Variants in MEGF8 observed in about 807,000 individuals in gnomAD.
The protein encoded by MEGF8 is multiple epidermal growth factor-like domains protein 8.
Under a neutral mutation model 302.9 loss-of-function variants are expected in MEGF8, and 156 were observed. The observed-to-expected ratio is 0.52, with a 90% CI of 0.45 to 0.59. The LOEUF is 0.59. Ranked by LOEUF, MEGF8 falls within the 20% of genes least tolerant of loss-of-function variation. The pLI, the probability that MEGF8 is intolerant of heterozygous loss-of-function variation, is 0.00. For synonymous variants in MEGF8, 1,621 were observed against 1,660.5 expected, an observed-to-expected ratio of 0.98 and a Z score of 0.58; for missense variants, 3,345 against 3,964.5, an observed-to-expected ratio of 0.84 and a Z score of 4.20.
At position 42,356,764 on chromosome 19, in the gene MEGF8, C is replaced by G; in HGVS notation, c.4623-10C>G. The G allele has an allele frequency of 6.5e-7, 1 of 1,539,152 alleles. No individual in the cohort carries two copies. Among genetic ancestry groups the G allele is most frequent in the Non-Finnish European group, 8.8e-7 (1 of 1,140,198 alleles). ...TGTAATGAGGCTGCTTTTTTGCACC[C>G]TGGCCCCAGGTACTCAGTGAGTGAG... On this transcript the variant is annotated splice_polypyrimidine_tract_variant and intron_variant, in intron 26 of 41. Coordinates refer to ENST00000251268, the MANE Select transcript of MEGF8 (RefSeq NM_001271938.2). This position sits in a 1 kb window ranked among gnomAD's most constrained non-coding sequence, Gnocchi z 5.2.
chr19:42,335,579 G>A (rs968269715), intron 5 of MEGF8, among the ~76,000 whole-genome samples, 194 bp downstream of exon 5: 3 of 151,898 alleles, frequency 2.0e-5, no homozygotes, highest in African/African-American at 7.3e-5. Flanking sequence ...CTGCCTTTGT[G>A]CATCTTATTT....
chr19:42,349,472 C>G, intron 13 of MEGF8, 27 bp from the exon 14 acceptor site: 1 of 1,599,026 alleles, frequency 6.3e-7, no homozygotes, highest in Middle Eastern at 2.2e-4. Context: ...TTCTGAGGCC[C>G]CTGCCTATCA....
chr19:42,338,686 G>A (rs980934295), intron 8 of MEGF8, among the ~76,000 whole-genome samples: 39 of 152,008 alleles, frequency 2.6e-4, no homozygotes, highest in African/African-American at 7.0e-4. Flanking sequence ...TTCTGTTCCT[G>A]TATTAGTCTG....
chr19:42,333,306 C>A (rs2039078900), intron 1 of MEGF8, among the ~76,000 whole-genome samples: 1 of 152,228 alleles, frequency 6.6e-6, no homozygotes, highest in South Asian at 2.1e-4. Context: ...GGGGTTTTCT[C>A]TGTACTTAAT....
intron 8 of MEGF8, among the ~76,000 whole-genome samples, chr19:42,338,823 G>GTT (rs1568558802): frequency 1.1e-4 from 9 of 79,634 alleles, no homozygotes; most frequent in African/African-American, 1.9e-4. Flanking sequence ...TTCTTTCTAT[G>GTT]TATTTTTTTT....
At position 42,326,375 on chromosome 19, in the gene MEGF8, G is replaced by T; in HGVS notation, c.132G>T (p.Val44=). The T allele has an allele frequency of 2.5e-6, 4 of 1,585,248 alleles. No individual in the cohort carries two copies. The change falls in exon 1 of 42, where the codon GTG becomes GTT. Residue 44 remains valine (V), a synonymous_variant. Coordinates refer to ENST00000251268, the MANE Select transcript of MEGF8 (RefSeq NM_001271938.2). ...TGCTGCGGGAGGCGCCAGGCTTCGT[G>T]ACGGATGGTGCGGGCAACTACAGCG... ...RQVLREAPGF[V]TDGAGNYSVN...
intron 40 of MEGF8, 84 bp downstream of exon 40, chr19:42,370,915 C>A: frequency 1.7e-6 from 1 of 580,104 alleles, no homozygotes; most frequent in Non-Finnish European, 3.1e-6. Flanking sequence ...AGCTCTGGAG[C>A]CAGGCCCCCT....
intron 34 of MEGF8, among the ~76,000 whole-genome samples, 161 bp from the exon 35 acceptor site, chr19:42,362,887 G>T (rs1279945403): frequency 6.7e-6 from 1 of 149,214 alleles, no homozygotes; most frequent in African/African-American, 2.5e-5. Flanking sequence ...GGGAGGAGGG[G>T]CTGGGCACCT....
rs372318004 is a variant in MEGF8, at chr19:42,338,256, T to G, written c.1513+1050T>G. ...GTAGGTTTTTTTTTTGTTTTTTTTTTGGGGATGGAGTCTTACTGTGTTGCC... is the reference window on the plus strand; with the variant it reads ...GTAGGTTTTTTTTTTGTTTTTTTTTGGGGGATGGAGTCTTACTGTGTTGCC... On this transcript the variant is annotated intron_variant, in intron 8 of 41. Transcript: ENST00000251268. Among the ~76,000 whole-genome samples the G allele has an allele frequency of 4.0e-3, 614 of 152,166 alleles. 5 individuals carry two copies. The highest frequency in any genetic ancestry group is 0.014 in the South Asian group (67 of 4,812).
Position 42,354,638 on chromosome 19 carries a change from T to A in MEGF8, c.4062T>A (p.Gly1354=), listed in dbSNP as rs778957010. The A allele has an allele frequency of 3.1e-6, 5 of 1,612,776 alleles. No individual in the cohort carries two copies. In the South Asian group the frequency reaches 5.5e-5, roughly 18 times the overall value. The part of the protein sequence containing the change: ...FDGFPRFLDT[G]VVQSDRSLIA... ...GATTCCCACGCTTCCTGGACACTGG[T>A]GTTGTCCAGTCGGACCGCAGCCTCA... Residue 1354 remains glycine (G), a synonymous_variant, in exon 23 of 42, where the codon GGT becomes GGA. Coordinates refer to ENST00000251268, the MANE Select transcript of MEGF8 (RefSeq NM_001271938.2). The surrounding 1 kb of genome is among the most constrained non-coding windows in gnomAD (Gnocchi z 4.3).
rs868518281 is a variant in MEGF8, at chr19:42,358,560, T to G, written c.5176-227T>G. ...CTTGGTGCGGCCCTGGCAGGCCCCT[T>G]CCCCGTCCTGGGTTTTTCCACTCGT... On this transcript the variant is annotated intron_variant, in intron 29 of 41. Coordinates refer to ENST00000251268, the MANE Select transcript of MEGF8 (RefSeq NM_001271938.2). This position sits in a 1 kb window ranked among gnomAD's most constrained non-coding sequence, Gnocchi z 4.4. Among the ~76,000 whole-genome samples, 31 of 152,140 alleles carry G rather than the reference T, an allele frequency of 2.0e-4. No homozygotes were observed. Among genetic ancestry groups the G allele is most frequent in the Admixed American group, 1.6e-3 (25 of 15,278 alleles).
chr19:42,336,401 A>G lies in MEGF8; in HGVS notation c.1244+55A>G, dbSNP rs942807340. ...CACAGGCCAGGCCCAGCTCAACACC[A>G]TAGGCCTTTAGTCTTTAGAGGTCTT... is the stretch of plus-strand genomic sequence containing the variant. On this transcript the variant is annotated intron_variant, in intron 6 of 41. Transcript: ENST00000251268. This position sits in a 1 kb window ranked among gnomAD's most constrained non-coding sequence, Gnocchi z 4.8. 1.3e-6 allele frequency: 2 copies of G among 1,496,676 alleles called. No individual in the cohort carries two copies. The highest frequency in any genetic ancestry group is 1.8e-6 in the Non-Finnish European group (2 of 1,122,066). The allele number at this position is 1,496,676 out of a possible 1,614,324, so 92.7% of individuals were successfully genotyped here.
chr19:42,365,169 A>G (rs2039586309), intron 35 of MEGF8, among the ~76,000 whole-genome samples: 1 of 152,212 alleles, frequency 6.6e-6, no homozygotes, highest in South Asian at 2.1e-4. Flanking sequence ...TTCTCCCCAG[A>G]TATTATTGAA....
chr19:42,352,724 G>T lies in MEGF8; in HGVS notation c.3351-204G>T, dbSNP rs1354475403. On this transcript the variant is annotated intron_variant, in intron 19 of 41. Coordinates refer to ENST00000251268, the MANE Select transcript of MEGF8 (RefSeq NM_001271938.2). This position sits in a 1 kb window ranked among gnomAD's most constrained non-coding sequence, Gnocchi z 4.4. The stretch of plus-strand genomic sequence containing the variant: ...GCGGAGGAGGACCTAGTTGAAAGAG[G>T]TTTTCACAGTGGTGCTATGTGGTTG... 3.1e-6 allele frequency: 2 copies of T among 635,258 alleles called. No homozygotes were observed. The highest frequency in any genetic ancestry group is 5.4e-6 in the Non-Finnish European group (2 of 368,426). 39.4% of individuals were successfully genotyped at this position (635,258 alleles called of 1,614,324 possible). A position where few individuals can be genotyped will look rare whatever the true frequency, so the allele number is the denominator to read the frequency against.
rs754895093 is a variant in MEGF8 at position 42,360,899 on chromosome 19, C to T, written c.5613C>T (p.Thr1871=). The T allele has an allele frequency of 4.3e-6, 7 of 1,613,356 alleles. No individual in the cohort carries two copies. In the South Asian group the frequency reaches 5.5e-5, roughly 13 times the overall value. The stretch of plus-strand genomic sequence containing the variant: ...CCCTGGGCCGCCTGCTGGCACTGAC[C>T]CTGCCCCCTGACCCCTGCCGCCTGC... The part of the protein sequence containing the change: ...GVALGRLLAL[T]LPPDPCRLLS... The change falls in exon 32 of 42, where the codon ACC becomes ACT. Residue 1871 remains threonine (T), a synonymous_variant. Coordinates refer to ENST00000251268, the MANE Select transcript of MEGF8 (RefSeq NM_001271938.2).
chr19:42,335,950 T>C lies in MEGF8; in HGVS notation c.848T>C (p.Val283Ala), dbSNP rs1255292474. 2 of 1,484,982 alleles carry C rather than the reference T, an allele frequency of 1.3e-6. No individual in the cohort carries two copies. The highest frequency in any genetic ancestry group is 2.5e-5 in the East Asian group (1 of 40,262). The allele number at this position is 1,484,982 out of a possible 1,614,324, so 92.0% of individuals were successfully genotyped here. A position where few individuals can be genotyped will look rare whatever the true frequency, so the allele number is the denominator to read the frequency against. Reference protein sequence around the residue: ...SPAPAARHSHVAVAWAGSLVL... With the variant: ...SPAPAARHSHAAVAWAGSLVL... ...TCACAGGCTGCCCGTCACTCCCATG[T>C]GGCCGTGGCCTGGGCCGGCTCCCTG... The change falls in exon 6 of 42, where the codon GTG becomes GCG. Residue 283 changes from valine (V) to alanine (A), a missense_variant. Physicochemically the swap from Val to Ala is moderately conservative, Grantham distance 64 (BLOSUM62 0). Coordinates refer to ENST00000251268, the MANE Select transcript of MEGF8 (RefSeq NM_001271938.2).
intron 41 of MEGF8, among the ~76,000 whole-genome samples, chr19:42,372,479 C>A (rs959293427): frequency 6.6e-6 from 1 of 152,136 alleles, no homozygotes; most frequent in Admixed American, 6.6e-5. Flanking sequence ...TCCCCGCCAC[C>A]TTCTCTCTCC....
chr19:42,351,013 C>T lies in MEGF8; in HGVS notation c.2737-203C>T, dbSNP rs1277949295. 3.3e-6 allele frequency: 2 copies of T among 600,158 alleles called. No homozygotes were observed. The highest frequency in any genetic ancestry group is 2.8e-5 in the East Asian group (1 of 35,626). The allele number at this position is 600,158 out of a possible 1,614,324, so 37.2% of individuals were successfully genotyped here. ...GGACCACACAGAAGGGGTGCTATTG[C>T]CTAAAGGAGACAGTGGGTGCTGGGC... On this transcript the variant is annotated intron_variant, in intron 15 of 41. Coordinates refer to ENST00000251268, the MANE Select transcript of MEGF8 (RefSeq NM_001271938.2). The surrounding 1 kb of genome is among the most constrained non-coding windows in gnomAD (Gnocchi z 5.6).
rs770399527 is a variant in MEGF8, at chr19:42,353,827, G to A, written c.3814G>A (p.Val1272Met). 4 of 1,611,558 alleles carry A rather than the reference G, an allele frequency of 2.5e-6. No individual in the cohort carries two copies. The highest frequency in any genetic ancestry group is 3.4e-6 in the Non-Finnish European group (4 of 1,178,660). Reference sequence around the variant, plus strand: ...TGGGGGTCGCGCCCTCCTCACCAACGTGTCCTCAGTGGCACTGGGCTCACG... The same window carrying A: ...TGGGGGTCGCGCCCTCCTCACCAACATGTCCTCAGTGGCACTGGGCTCACG... ...ECGGRALLTN[V>M]SSVALGSRRV... The change falls in exon 22 of 42, where the codon GTG becomes ATG. Residue 1272 changes from valine (V) to methionine (M), a missense_variant. Coordinates refer to ENST00000251268, the MANE Select transcript of MEGF8 (RefSeq NM_001271938.2). The surrounding 1 kb of genome is among the most constrained non-coding windows in gnomAD (Gnocchi z 6.1).
Sources: allele counts gnomAD v4.1 joint callset (sites outside exome capture counted in the v4.1 genomes callset), GRCh38; gene constraint gnomAD v4.1.1; non-coding constraint Gnocchi (gnomAD v3.1); transcripts MANE v1.5; gene names NCBI Gene and HGNC (gene_info 2026-07-23, HGNC 2026-07-21).